HPCAL1: variants seen among roughly 807,000 people sequenced by gnomAD.
The protein encoded by HPCAL1 is hippocalcin-like protein 1.
In HPCAL1, 8 loss-of-function variants were observed where a neutral mutation model predicts 17.1. That is an observed-to-expected ratio of 0.47 (90% CI 0.27 to 0.84). The LOEUF is 0.84. HPCAL1 is among the 40% of genes least tolerant of loss of function. The pLI is 0.13. For missense variants in HPCAL1, 165 were observed against 271.1 expected, an observed-to-expected ratio of 0.61 and a Z score of 2.75; for synonymous variants, 112 against 111.4, an observed-to-expected ratio of 1.01 and a Z score of -0.03.
chr2:10,377,269 T>A lies in HPCAL1; in HGVS notation c.-110-19566T>A, dbSNP rs1240672823. Among the ~76,000 whole-genome samples the A allele has an allele frequency of 6.6e-6, 1 of 152,082 alleles. No homozygotes were observed. Among genetic ancestry groups the A allele is most frequent in the East Asian group, 1.9e-4 (1 of 5,172 alleles). On this transcript the variant is annotated intron_variant, in intron 1 of 4. Coordinates refer to ENST00000307845, the MANE Select transcript of HPCAL1 (RefSeq NM_002149.4). The surrounding 1 kb of genome is among the most constrained non-coding windows in gnomAD (Gnocchi z 5.9). Reference sequence around the variant, plus strand: ...GAATGGCAGGTGGAAGGCGGCTGAGTGGAGCCGCAGCAAATGCAACCCTGC... The same window carrying A: ...GAATGGCAGGTGGAAGGCGGCTGAGAGGAGCCGCAGCAAATGCAACCCTGC...
chr2:10,303,978 T>A (rs1263926078), intron 1 of HPCAL1: 6 of 152,064 alleles, frequency 3.9e-5, no homozygotes, highest in Non-Finnish European at 8.8e-5. Context: ...CGTCTCCTGT[T>A]TAAAATCCTT....
chr2:10,332,783 G>A (rs1664465792), intron 1 of HPCAL1, among the ~76,000 whole-genome samples: 2 of 152,104 alleles, frequency 1.3e-5, no homozygotes, highest in Non-Finnish European at 2.9e-5. Flanking sequence ...AAGGCAGGGG[G>A]GGACTTTGAT....
Position 10,342,892 on chromosome 2 carries a change from C to T in HPCAL1, c.-111+39715C>T, listed in dbSNP as rs1385905040. Reference sequence around the variant, plus strand: ...GTGGGTGGCAGTTGGTACCTCTCCCCGCTGCCTTCCCCCGGCCCCTTTTTG... The same window carrying T: ...GTGGGTGGCAGTTGGTACCTCTCCCTGCTGCCTTCCCCCGGCCCCTTTTTG... On this transcript the variant is annotated intron_variant, in intron 1 of 4. Transcript: ENST00000307845. This position sits in a 1 kb window ranked among gnomAD's most constrained non-coding sequence, Gnocchi z 4.1. Among the ~76,000 whole-genome samples the T allele has an allele frequency of 3.3e-5, 5 of 152,316 alleles. No homozygotes were observed. Among genetic ancestry groups the T allele is most frequent in the East Asian group, 3.9e-4 (2 of 5,182 alleles).
chr2:10,347,096 C>T (rs887372958), intron 1 of HPCAL1, among the ~76,000 whole-genome samples: 1 of 152,060 alleles, frequency 6.6e-6, no homozygotes, highest in African/African-American at 2.4e-5. Flanking sequence ...CTCTAGAGAG[C>T]CCCGCACCGC....
chr2:10,418,922 A>AGG (rs1670853905), intron 2 of HPCAL1, among the ~76,000 whole-genome samples: 1 of 152,142 alleles, frequency 6.6e-6, no homozygotes. Flanking sequence ...CAAAATAAAG[A>AGG]GGGTGGGCCG....
intron 1 of HPCAL1, among the ~76,000 whole-genome samples, chr2:10,356,438 C>T (rs904779929): frequency 1.3e-5 from 2 of 152,072 alleles, no homozygotes; most frequent in African/African-American, 2.4e-5. Context: ...TGAGGGAGGA[C>T]GGTGTGTGCC....
chr2:10,330,322 T>A lies in HPCAL1; in HGVS notation c.-111+27145T>A, dbSNP rs1453801124. The A allele has an allele frequency of 6.6e-6, 1 of 152,242 alleles. No homozygotes were observed. Among genetic ancestry groups the A allele is most frequent in the African/African-American group, 2.4e-5 (1 of 41,540 alleles). The allele number at this position is 152,242 out of a possible 1,614,324, so 9.4% of individuals were successfully genotyped here. ...TCCCAGAATGCTTATTCTTATTTAG[T>A]CCTCATAGGAGAGTGGCGAAGGGCA... is the stretch of plus-strand genomic sequence containing the variant. On this transcript the variant is annotated intron_variant, in intron 1 of 4. Transcript: ENST00000307845. This position sits in a 1 kb window ranked among gnomAD's most constrained non-coding sequence, Gnocchi z 4.2.
intron 1 of HPCAL1, among the ~76,000 whole-genome samples, chr2:10,326,503 G>T (rs998998922): frequency 6.6e-6 from 1 of 152,174 alleles, no homozygotes; most frequent in African/African-American, 2.4e-5. Context: ...GGAATTGGCC[G>T]CCTGGGGTGC....
intron 1 of HPCAL1, among the ~76,000 whole-genome samples, chr2:10,334,703 T>TTTTTTTTTTTTTTC (rs1664607934): frequency 6.6e-6 from 1 of 151,378 alleles, no homozygotes; most frequent in African/African-American, 2.4e-5. Flanking sequence ...GACTTTTTTT[T>TTTTTTTTTTTTTTC]GAGGCAGGGT....
chr2:10,389,181 T>A (rs915319201), intron 1 of HPCAL1, among the ~76,000 whole-genome samples: 1 of 152,188 alleles, frequency 6.6e-6, no homozygotes, highest in Non-Finnish European at 1.5e-5. Flanking sequence ...GTGGCAATCA[T>A]CTGACGACCT....
At chr2:10,413,657 T>C (rs1670483186) in intron 2 of HPCAL1, among the ~76,000 whole-genome samples, 1 of 152,238 alleles carries the variant, frequency 6.6e-6, no homozygotes, top group South Asian at 2.1e-4. Flanking sequence ...GTGTGCTCAC[T>C]GGGTTTGGCA....
intron 2 of HPCAL1, among the ~76,000 whole-genome samples, chr2:10,406,809 G>A (rs1429048579): frequency 6.6e-6 from 1 of 152,246 alleles, no homozygotes; most frequent in African/African-American, 2.4e-5. Flanking sequence ...AAAGTCTATG[G>A]TCTCATTTTG....
chr2:10,346,040 G>A (rs1665419215), intron 1 of HPCAL1, among the ~76,000 whole-genome samples: 1 of 152,118 alleles, frequency 6.6e-6, no homozygotes, highest in African/African-American at 2.4e-5. Flanking sequence ...CCCTGGGGGT[G>A]TGTGTGTCTG....
At chr2:10,408,478 GTTGGGTTTA>G (rs959045276) in intron 2 of HPCAL1, 3 of 152,246 alleles carry the variant, frequency 2.0e-5, no homozygotes, top group African/African-American at 4.8e-5. Flanking sequence ...AGGTCAGTGG[GTTGGGTTTA>G]GGTGCAGGCA....
chr2:10,395,547 C>T lies in HPCAL1; in HGVS notation c.-110-1288C>T, dbSNP rs1009532254. Among the ~76,000 whole-genome samples, 2 of 152,196 alleles carry T rather than the reference C, an allele frequency of 1.3e-5. No homozygotes were observed. Among genetic ancestry groups the T allele is most frequent in the African/African-American group, 2.4e-5 (1 of 41,446 alleles). On this transcript the variant is annotated intron_variant, in intron 1 of 4. Coordinates refer to ENST00000307845, the MANE Select transcript of HPCAL1 (RefSeq NM_002149.4). This position sits in a 1 kb window ranked among gnomAD's most constrained non-coding sequence, Gnocchi z 4.4. Reference sequence around the variant, plus strand: ...CGAGGGGAGCCCCGCTGGCACGCCGCACTGTGCTGAGGCTGGGTGTTCTAG... The same window carrying T: ...CGAGGGGAGCCCCGCTGGCACGCCGTACTGTGCTGAGGCTGGGTGTTCTAG...
At position 10,371,966 on chromosome 2, in the gene HPCAL1, T is replaced by C. The variant is rs150950245; in HGVS notation, c.-110-24869T>C. 2.1e-4 allele frequency among the ~76,000 whole-genome samples: 32 copies of C among 152,332 alleles called. No homozygotes were observed. The East Asian group carries it at 4.6e-3, about 22-fold the overall frequency. The stretch of plus-strand genomic sequence containing the variant: ...CCAGGCCCGCCAGCGCCTCAGATGT[T>C]TCTCTCCTTCTTAGAGGGTGTTTCA... On this transcript the variant is annotated intron_variant, in intron 1 of 4. Transcript: ENST00000307845.
chr2:10,350,091 G>T (rs1036865422), intron 1 of HPCAL1, among the ~76,000 whole-genome samples: 2 of 152,050 alleles, frequency 1.3e-5, no homozygotes, highest in East Asian at 3.9e-4. Context: ...TCTTCTGAGG[G>T]TTTGCATAAA....
At chr2:10,303,856 T>C (rs536435845) in intron 1 of HPCAL1, 1 of 152,434 alleles carries the variant, frequency 6.6e-6, no homozygotes, top group South Asian at 2.1e-4. Flanking sequence ...CTCTTTAAAA[T>C]GAGGACAGCT....
intron 1 of HPCAL1, among the ~76,000 whole-genome samples, chr2:10,341,915 T>C (rs906492824): frequency 6.6e-6 from 1 of 151,958 alleles, no homozygotes; most frequent in Non-Finnish European, 1.5e-5. Flanking sequence ...CCCAGCACTT[T>C]AGGAGGCTAA....
Sources: allele counts gnomAD v4.1 joint callset (sites outside exome capture counted in the v4.1 genomes callset), GRCh38; gene constraint gnomAD v4.1.1; non-coding constraint Gnocchi (gnomAD v3.1); transcripts MANE v1.5; gene names NCBI Gene and HGNC (gene_info 2026-07-23, HGNC 2026-07-21).